Variants in MYLK observed in about 807,000 individuals in gnomAD.
MYLK encodes the protein myosin light chain kinase, smooth muscle.
A neutral mutation model predicts 203.4 loss-of-function variants in MYLK; 106 were observed. The ratio of observed to expected loss-of-function variants is 0.52; its 90% CI spans 0.45 to 0.61. The LOEUF (loss-of-function observed/expected upper bound fraction) is 0.61. MYLK is among the 20% of genes least tolerant of loss of function. The pLI is 0.00. For synonymous variants in MYLK, 867 were observed against 959.5 expected, an observed-to-expected ratio of 0.90 and a Z score of 1.78; for missense variants, 2,072 against 2,442.3, an observed-to-expected ratio of 0.85 and a Z score of 3.20.
chr3:123,767,346 C>G (rs2063738761), intron 4 of MYLK, among the ~76,000 whole-genome samples: 1 of 152,216 alleles, frequency 6.6e-6, no homozygotes, highest in Non-Finnish European at 1.5e-5. Flanking sequence ...GTGGCTCATG[C>G]CTGTAATTCC....
intron 20 of MYLK, among the ~76,000 whole-genome samples, chr3:123,672,710 T>C (rs939500324): frequency 6.6e-6 from 1 of 152,250 alleles, no homozygotes; most frequent in African/African-American, 2.4e-5. Context: ...TTCTGTAAAT[T>C]TGGAGCTACC....
At chr3:123,741,110 T>G (rs936277561) in intron 5 of MYLK, among the ~76,000 whole-genome samples, 3 of 152,230 alleles carry the variant, frequency 2.0e-5, no homozygotes, top group African/African-American at 7.2e-5. Flanking sequence ...AGAGTCATCC[T>G]CTGATATCAG....
intron 20 of MYLK, among the ~76,000 whole-genome samples, chr3:123,669,121 C>T (rs1321115560): frequency 6.6e-6 from 1 of 152,228 alleles, no homozygotes; most frequent in Non-Finnish European, 1.5e-5. Flanking sequence ...CCAGTGAATG[C>T]CCCAGGAGGA....
chr3:123,646,335 AG>A (rs1181976004), intron 27 of MYLK, among the ~76,000 whole-genome samples: 3 of 152,236 alleles, frequency 2.0e-5, no homozygotes, highest in Non-Finnish European at 4.4e-5. Context: ...TGTAGTGTTT[AG>A]GAAAGGATAG....
At chr3:123,836,280 C>T (rs2066472897) in intron 2 of MYLK, among the ~76,000 whole-genome samples, 1 of 152,126 alleles carries the variant, frequency 6.6e-6, no homozygotes, top group African/African-American at 2.4e-5. Context: ...TGTCTTTCAC[C>T]CACACCTGCT....
chr3:123,673,604 G>C (rs1049848341), intron 20 of MYLK, among the ~76,000 whole-genome samples: 4 of 152,090 alleles, frequency 2.6e-5, no homozygotes, highest in Non-Finnish European at 5.9e-5. Flanking sequence ...CCCCAGTCCA[G>C]GTCCTCAGAA....
At chr3:123,631,957 C>T (rs914578037) in intron 29 of MYLK, among the ~76,000 whole-genome samples, 1 of 151,648 alleles carries the variant, frequency 6.6e-6, no homozygotes, top group East Asian at 1.9e-4. Flanking sequence ...GCAAGCTCTG[C>T]CCCCTGGGTT....
At chr3:123,864,067 A>G (rs2032138211) in intron 2 of MYLK, among the ~76,000 whole-genome samples, 1 of 152,234 alleles carries the variant, frequency 6.6e-6, no homozygotes, top group Non-Finnish European at 1.5e-5. Flanking sequence ...TCTCAAAAAC[A>G]GGCCAAATGA....
chr3:123,640,351 G>T lies in MYLK; in HGVS notation c.4773C>A (p.Ile1591=). Residue 1591 remains isoleucine (I), a synonymous_variant, in exon 28 of 34, where the codon ATC becomes ATA. Transcript: ENST00000360304. The surrounding 1 kb of genome is among the most constrained non-coding windows in gnomAD (Gnocchi z 4.3). ...IVHLDLKPEN[I]MCVNKTGTRI... is the part of the protein sequence containing the mutation. ...TGGTGCCCGTCTTGTTGACACACAT[G>T]ATGTTCTCCGGCTTGAGGTCCAGGT... is the stretch of plus-strand genomic sequence containing the variant. The T allele has an allele frequency of 1.9e-6, 3 of 1,613,966 alleles. 1 individual carries two copies. The highest frequency in any genetic ancestry group is 3.3e-4 in the Middle Eastern group (2 of 6,062).
intron 24 of MYLK, among the ~76,000 whole-genome samples, chr3:123,653,084 G>A (rs2059269590): frequency 6.6e-6 from 1 of 152,168 alleles, no homozygotes; most frequent in Non-Finnish European, 1.5e-5. Context: ...AGGAGTGGCA[G>A]TGGCTGTGGT....
At chr3:123,811,859 G>A (rs767588415) in intron 3 of MYLK, among the ~76,000 whole-genome samples, 5 of 152,164 alleles carry the variant, frequency 3.3e-5, no homozygotes, top group Admixed American at 6.5e-5. Flanking sequence ...CCAGAAAGCA[G>A]TACTTCACAT....
At chr3:123,796,005 G>T (rs2064972779) in intron 3 of MYLK, among the ~76,000 whole-genome samples, 1 of 151,960 alleles carries the variant, frequency 6.6e-6, no homozygotes, top group Admixed American at 6.6e-5. Flanking sequence ...TTTGTAATAG[G>T]GCACATCCCC....
chr3:123,613,285 C>G lies in MYLK; in HGVS notation c.*820G>C, dbSNP rs1046640728. On this transcript the variant is annotated 3_prime_UTR_variant, in exon 34 of 34. Transcript: ENST00000360304. ...TTACCACACGTTCAGAGCTGATATT[C>G]TATAACAGCACAAATAAGAATCCTG... 6.6e-6 allele frequency: 1 copy of G among 152,082 alleles called. No homozygotes were observed. Among genetic ancestry groups the G allele is most frequent in the Non-Finnish European group, 1.5e-5 (1 of 68,020 alleles). 9.4% of individuals were successfully genotyped at this position (152,082 alleles called of 1,614,324 possible). A position where few individuals can be genotyped will look rare whatever the true frequency, so the allele number is the denominator to read the frequency against.
intron 20 of MYLK, among the ~76,000 whole-genome samples, chr3:123,674,143 A>T (rs1398557762): frequency 6.6e-6 from 1 of 151,892 alleles, no homozygotes; most frequent in East Asian, 1.9e-4. Flanking sequence ...AACGTGCAAA[A>T]CCAAATCCAA....
At chr3:123,714,176 C>T (rs2061813775) in intron 13 of MYLK, among the ~76,000 whole-genome samples, 1 of 152,174 alleles carries the variant, frequency 6.6e-6, no homozygotes, top group African/African-American at 2.4e-5. Flanking sequence ...CAGATTGTGT[C>T]TGTTTTACAG....
intron 4 of MYLK, among the ~76,000 whole-genome samples, chr3:123,787,205 A>G (rs72972326): frequency 6.4e-4 from 98 of 152,322 alleles, no homozygotes; most frequent in African/African-American, 2.3e-3. Context: ...AGGAAGCATT[A>G]GGAAAGTAGC....
Position 123,626,930 on chromosome 3 carries a change from T to C in MYLK, c.5126A>G (p.Asp1709Gly). 6.2e-7 allele frequency: 1 copy of C among 1,614,220 alleles called. No individual in the cohort carries two copies. Among genetic ancestry groups the C allele is most frequent in the Non-Finnish European group, 8.5e-7 (1 of 1,180,034 alleles). Residue 1709 changes from aspartate to glycine, a missense_variant, in exon 31 of 34, where the codon GAC becomes GGC. Asp to Gly is a moderately conservative substitution (Grantham distance 94, BLOSUM62 -1). Transcript: ENST00000360304. ...LLKKDMKNRL[D>G]CTQCLQHPWL... Reference sequence around the variant, plus strand: ...TGGATGCTGAAGGCACTGCGTGCAGTCCAGGCGGTTTCTGACAGAGGCAGA... The same window carrying C: ...TGGATGCTGAAGGCACTGCGTGCAGCCCAGGCGGTTTCTGACAGAGGCAGA...
chr3:123,623,279 G>T (rs1465357753), intron 31 of MYLK: 3 of 152,048 alleles, frequency 2.0e-5, no homozygotes, highest in Admixed American at 6.6e-5. Flanking sequence ...CATACTGCTG[G>T]GGTCTTTATG....
intron 29 of MYLK, among the ~76,000 whole-genome samples, chr3:123,637,637 C>T (rs1467423667): frequency 5.3e-5 from 8 of 152,176 alleles, no homozygotes; most frequent in Non-Finnish European, 1.0e-4. Context: ...TTGGGGTCCC[C>T]GTGCCTTGGG....
Sources: gnomAD v4.1 joint callset for allele counts (sites outside exome capture counted in the v4.1 genomes callset) on GRCh38, gnomAD v4.1.1 for gene constraint, Gnocchi (gnomAD v3.1) non-coding constraint, MANE v1.5 for transcripts, NCBI Gene and HGNC (gene_info 2026-07-23, HGNC 2026-07-21) for gene names.